NARS2: variants seen among roughly 807,000 people sequenced by gnomAD.
NARS2 encodes asparaginyl-tRNA synthetase 2, mitochondrial, also known as asparaginyl-tRNA synthetase.
NARS2 carries 60 observed loss-of-function variants against 62.9 expected under a neutral mutation model. The observed-to-expected ratio is 0.95, with a 90% CI of 0.77 to 1.18. The LOEUF (loss-of-function observed/expected upper bound fraction) is 1.18, where lower values mean the gene tolerates loss of function less well. NARS2 is among the 50% of genes most tolerant of loss of function. The pLI is 0.00. For synonymous variants in NARS2, 196 were observed against 200.0 expected, an observed-to-expected ratio of 0.98 and a Z score of 0.17; for missense variants, 619 against 576.4, an observed-to-expected ratio of 1.07 and a Z score of -0.76.
chr11:78,523,583 A>C (rs1861202448), intron 6 of NARS2, among the ~76,000 whole-genome samples: 1 of 152,234 alleles, frequency 6.6e-6, no homozygotes, highest in East Asian at 1.9e-4. Flanking sequence ...TATCTGATAA[A>C]TGAAGCAAAA....
intron 7 of NARS2, among the ~76,000 whole-genome samples, chr11:78,489,607 G>A (rs115144394): frequency 0.015 from 2,267 of 152,238 alleles, 58 homozygotes; most frequent in African/African-American, 0.052. Flanking sequence ...ATCCATAATG[G>A]CAGGGAGTGG....
intron 6 of NARS2, among the ~76,000 whole-genome samples, chr11:78,503,328 C>T (rs1394869912): frequency 6.6e-6 from 1 of 152,180 alleles, no homozygotes; most frequent in Non-Finnish European, 1.5e-5. Context: ...ACCCCCGCCT[C>T]CCAGGTTCAA....
chr11:78,498,518 C>T (rs956772498), intron 6 of NARS2, among the ~76,000 whole-genome samples: 1 of 152,158 alleles, frequency 6.6e-6, no homozygotes, highest in Non-Finnish European at 1.5e-5. Context: ...TTTATACCTT[C>T]TAACCAGCCC....
chr11:78,444,012 T>C (rs962412815), intron 11 of NARS2: 4 of 238,512 alleles, frequency 1.7e-5, no homozygotes, highest in African/African-American at 2.2e-5. Flanking sequence ...GTGTTAAAAA[T>C]TATGAAACAT....
At chr11:78,441,498 G>C (rs1184387442) in intron 12 of NARS2, among the ~76,000 whole-genome samples, 1 of 152,170 alleles carries the variant, frequency 6.6e-6, no homozygotes, top group East Asian at 1.9e-4. Flanking sequence ...GATCACTTGA[G>C]ATCAGGATTC....
chr11:78,534,812 C>A (rs1565264819), intron 5 of NARS2, among the ~76,000 whole-genome samples: 1 of 152,006 alleles, frequency 6.6e-6, no homozygotes, highest in South Asian at 2.1e-4. Context: ...ATGGGAGATA[C>A]CTAAATCTGA....
At chr11:78,537,899 C>T (rs532192250) in intron 5 of NARS2, among the ~76,000 whole-genome samples, 1 of 152,226 alleles carries the variant, frequency 6.6e-6, no homozygotes, top group Non-Finnish European at 1.5e-5. Context: ...GCATAGTAGT[C>T]TCCCCTTATC....
intron 5 of NARS2, among the ~76,000 whole-genome samples, chr11:78,530,867 C>T (rs1438578397): frequency 6.6e-6 from 1 of 152,166 alleles, no homozygotes; most frequent in Non-Finnish European, 1.5e-5. Flanking sequence ...CATACCACTA[C>T]TTCATTATGC....
intron 5 of NARS2, among the ~76,000 whole-genome samples, chr11:78,556,126 T>G (rs938727813): frequency 9.2e-5 from 14 of 152,140 alleles, no homozygotes; most frequent in Non-Finnish European, 1.6e-4. Flanking sequence ...AGGTGCCACG[T>G]GAAGACAAGA....
At chr11:78,456,936 T>C (rs1647344197) in intron 11 of NARS2, among the ~76,000 whole-genome samples, 1 of 152,204 alleles carries the variant, frequency 6.6e-6, no homozygotes, top group Non-Finnish European at 1.5e-5. Context: ...TATAAGTTAG[T>C]CTTATCCATG....
chr11:78,496,502 G>A (rs1860063778), intron 6 of NARS2, among the ~76,000 whole-genome samples: 2 of 152,140 alleles, frequency 1.3e-5, no homozygotes, highest in South Asian at 2.1e-4. Context: ...AATGGTGGAA[G>A]CCAAACTCAA....
chr11:78,519,976 A>G (rs1344534458), intron 6 of NARS2, among the ~76,000 whole-genome samples: 3 of 152,136 alleles, frequency 2.0e-5, no homozygotes, highest in African/African-American at 7.2e-5. Context: ...TACAGGTGTG[A>G]GCCACCACGT....
intron 5 of NARS2, among the ~76,000 whole-genome samples, chr11:78,539,860 T>C (rs938711629): frequency 1.3e-5 from 2 of 152,198 alleles, no homozygotes; most frequent in Admixed American, 6.5e-5. Flanking sequence ...GGCATTCATA[T>C]AGTCTATCAA....
intron 6 of NARS2, among the ~76,000 whole-genome samples, chr11:78,523,584 T>C (rs1415989459): frequency 6.6e-6 from 1 of 152,160 alleles, no homozygotes; most frequent in African/African-American, 2.4e-5. Flanking sequence ...ATCTGATAAA[T>C]GAAGCAAAAT....
chr11:78,492,583 C>T (rs1161205283), intron 7 of NARS2, among the ~76,000 whole-genome samples: 1 of 152,126 alleles, frequency 6.6e-6, no homozygotes, highest in Non-Finnish European at 1.5e-5. Context: ...GCTGATAGCT[C>T]CTGTGGATGC....
At chr11:78,570,760 T>C (rs1856894313) in intron 2 of NARS2, among the ~76,000 whole-genome samples, 1 of 152,224 alleles carries the variant, frequency 6.6e-6, no homozygotes, top group Non-Finnish European at 1.5e-5. Context: ...TGTCATATTG[T>C]CAGCACTATG....
chr11:78,469,795 G>A (rs544193942), intron 9 of NARS2, among the ~76,000 whole-genome samples: 2 of 152,234 alleles, frequency 1.3e-5, no homozygotes, highest in Admixed American at 1.3e-4. Flanking sequence ...ATGCAGGTGA[G>A]GAGAGAGTAG....
intron 6 of NARS2, among the ~76,000 whole-genome samples, chr11:78,522,703 CA>C (rs1861174774): frequency 6.6e-6 from 1 of 151,900 alleles, no homozygotes; most frequent in African/African-American, 2.4e-5. Flanking sequence ...AATTATGGGG[CA>C]AAAAAGATGG....
At chr11:78,525,815 A>T (rs1861274968) in intron 6 of NARS2, among the ~76,000 whole-genome samples, 1 of 152,160 alleles carries the variant, frequency 6.6e-6, no homozygotes, top group Non-Finnish European at 1.5e-5. Flanking sequence ...GAAGGTTAAC[A>T]TCATCATATG....
Sources: gnomAD v4.1 joint callset for allele counts (sites outside exome capture counted in the v4.1 genomes callset) on GRCh38, gnomAD v4.1.1 for gene constraint, MANE v1.5 for transcripts, NCBI Gene and HGNC (gene_info 2026-07-23, HGNC 2026-07-21) for gene names.